DPP10: variants seen among roughly 807,000 people sequenced by gnomAD.
DPP10 encodes dipeptidyl peptidase like 10.
DPP10 carries 33 observed loss-of-function variants against 120.9 expected under a neutral mutation model. The ratio of observed to expected loss-of-function variants is 0.27; its 90% CI spans 0.21 to 0.37. DPP10 has a LOEUF of 0.37. Among genes scored for constraint, DPP10 ranks in the 10% least tolerant of loss-of-function variants. DPP10 has a pLI of 1.00. For missense variants in DPP10, 816 were observed against 942.8 expected (o/e 0.87, Z 1.76); for synonymous variants, 337 against 326.1 (o/e 1.03, Z -0.36).
chr2:114,819,776 G>A (rs919441783), intron 1 of DPP10, among the ~76,000 whole-genome samples: 1 of 152,026 alleles, frequency 6.6e-6, no homozygotes, highest in Admixed American at 6.6e-5. Flanking sequence ...TCTCCTCCTG[G>A]GTATCTATTC....
At chr2:115,154,522 A>C (rs868518936) in intron 1 of DPP10, among the ~76,000 whole-genome samples, 30 of 152,318 alleles carry the variant, frequency 2.0e-4, no homozygotes, top group African/African-American at 6.5e-4. Context: ...CCTACATGTC[A>C]AGTAGAGAAA....
chr2:114,824,524 G>A (rs1225421209), intron 1 of DPP10, among the ~76,000 whole-genome samples: 1 of 152,104 alleles, frequency 6.6e-6, no homozygotes, highest in African/African-American at 2.4e-5. Flanking sequence ...AGGTGGTTCT[G>A]TGCCATTGTC....
intron 1 of DPP10, among the ~76,000 whole-genome samples, chr2:115,159,783 T>C (rs2052172023): frequency 6.6e-6 from 1 of 152,194 alleles, no homozygotes; most frequent in Non-Finnish European, 1.5e-5. Flanking sequence ...TGTTTGTCTT[T>C]ATTTGTAATG....
At chr2:114,499,507 A>G (rs1240246977) in intron 1 of DPP10, among the ~76,000 whole-genome samples, 1 of 151,208 alleles carries the variant, frequency 6.6e-6, no homozygotes, top group Non-Finnish European at 1.5e-5. Context: ...CTTTTCCTTC[A>G]CTTCTGCTGT....
At chr2:114,912,645 G>A (rs965779168) in intron 1 of DPP10, among the ~76,000 whole-genome samples, 1 of 152,084 alleles carries the variant, frequency 6.6e-6, no homozygotes, top group Non-Finnish European at 1.5e-5. Flanking sequence ...ACCTGGGGCT[G>A]AAGCAGGAGG....
chr2:115,491,131 A>G (rs1423387258), intron 3 of DPP10, among the ~76,000 whole-genome samples: 2 of 152,154 alleles, frequency 1.3e-5, no homozygotes, highest in Non-Finnish European at 2.9e-5. Flanking sequence ...TTTGAAAAAC[A>G]AAAACAAACA....
intron 1 of DPP10, among the ~76,000 whole-genome samples, chr2:114,520,010 GA>G (rs1386983137): frequency 1.3e-5 from 2 of 151,998 alleles, no homozygotes; most frequent in African/African-American, 4.8e-5. Context: ...CAACAACCAA[GA>G]AAAAAGAAAA....
intron 3 of DPP10, among the ~76,000 whole-genome samples, 185 bp downstream of exon 3, chr2:115,344,097 C>T (rs1316349002): frequency 7.0e-6 from 1 of 142,050 alleles, no homozygotes; most frequent in African/African-American, 2.7e-5. Flanking sequence ...GATCGCACCA[C>T]TGCACTCCAA....
At chr2:115,022,371 A>G (rs1324594611) in intron 1 of DPP10, among the ~76,000 whole-genome samples, 2 of 152,104 alleles carry the variant, frequency 1.3e-5, no homozygotes, top group Non-Finnish European at 1.5e-5. Context: ...ACCAACAGCA[A>G]CCAAGCTAGG....
At chr2:115,112,422 TA>T (rs1390973542) in intron 1 of DPP10, among the ~76,000 whole-genome samples, 1 of 152,202 alleles carries the variant, frequency 6.6e-6, no homozygotes, top group Non-Finnish European at 1.5e-5. Flanking sequence ...CATTTATTGT[TA>T]TTTTAATTGA....
At chr2:114,597,050 T>A (rs1311765015) in intron 1 of DPP10, among the ~76,000 whole-genome samples, 2 of 151,982 alleles carry the variant, frequency 1.3e-5, no homozygotes, top group Non-Finnish European at 2.9e-5. Context: ...ACAGGTATAA[T>A]AAGTGTTTAC....
intron 1 of DPP10, among the ~76,000 whole-genome samples, chr2:114,527,982 CAT>C (rs1685644648): frequency 6.6e-6 from 1 of 152,178 alleles, no homozygotes; most frequent in Non-Finnish European, 1.5e-5. Flanking sequence ...TTCTGAGACA[CAT>C]GACTGTTGTC....
Position 115,088,768 on chromosome 2 carries a change from A to AAAAAAAAAAAAAC in DPP10, c.61-220470_61-220469insAAAAAAAAAAACA, listed in dbSNP as rs775985067. On this transcript the variant is annotated intron_variant, in intron 1 of 25. Transcript: ENST00000410059. ...TGCCTGACAAAAAAAAAAAAAAAAA[A>AAAAAAAAAAAAAC]ACCAAAAAACAAAAAAAACCTTAAA... 7.7e-3 allele frequency among the ~76,000 whole-genome samples: 1,029 copies of AAAAAAAAAAAAAC among 134,400 alleles called. 46 individuals carry two copies. Among genetic ancestry groups the AAAAAAAAAAAAAC allele is most frequent in the Non-Finnish European group, 0.011 (684 of 62,382 alleles). The allele number at this position is 134,400 out of a possible 152,430, so 88.2% of individuals were successfully genotyped here. A position where few individuals can be genotyped will look rare whatever the true frequency, so the allele number is the denominator to read the frequency against.
intron 1 of DPP10, among the ~76,000 whole-genome samples, chr2:114,557,695 G>T (rs1260173602): frequency 6.6e-6 from 1 of 152,164 alleles, no homozygotes; most frequent in Non-Finnish European, 1.5e-5. Context: ...AAAGAAATAA[G>T]TTATCATGGA....
chr2:115,011,340 T>C (rs1287165267), intron 1 of DPP10, among the ~76,000 whole-genome samples: 1 of 152,244 alleles, frequency 6.6e-6, no homozygotes, highest in East Asian at 1.9e-4. Context: ...ACTGATTTTC[T>C]CTCTGTCCTG....
chr2:115,249,614 C>T (rs966001972), intron 1 of DPP10, among the ~76,000 whole-genome samples: 3 of 152,052 alleles, frequency 2.0e-5, no homozygotes, highest in South Asian at 4.1e-4. Context: ...ATGATCTGAT[C>T]GGAAATTCTA....
intron 3 of DPP10, among the ~76,000 whole-genome samples, chr2:115,386,701 T>A (rs2106517861): frequency 6.6e-6 from 1 of 152,204 alleles, no homozygotes; most frequent in Non-Finnish European, 1.5e-5. Flanking sequence ...CTGTTACACA[T>A]CTGTCTCTTC....
At chr2:114,819,088 G>A (rs555208724) in intron 1 of DPP10, among the ~76,000 whole-genome samples, 2 of 152,034 alleles carry the variant, frequency 1.3e-5, no homozygotes, top group East Asian at 1.9e-4. Context: ...TTCGTTAGGC[G>A]ATTACAAGAA....
intron 7 of DPP10, among the ~76,000 whole-genome samples, chr2:115,703,617 T>C (rs982304260): frequency 1.3e-5 from 2 of 152,038 alleles, no homozygotes; most frequent in Non-Finnish European, 2.9e-5. Context: ...CTTCATATTG[T>C]ACCCTTAAGG....
Sources: gnomAD v4.1 joint callset for allele counts (sites outside exome capture counted in the v4.1 genomes callset) on GRCh38, gnomAD v4.1.1 for gene constraint, MANE v1.5 for transcripts, NCBI Gene and HGNC (gene_info 2026-07-23, HGNC 2026-07-21) for gene names.